Variants in PLXNA4 observed in about 807,000 individuals in gnomAD.
PLXNA4 encodes plexin-A4.
Under a neutral mutation model 191.8 loss-of-function variants are expected in PLXNA4, and 44 were observed. The ratio of observed to expected loss-of-function variants is 0.23; its 90% CI spans 0.18 to 0.29. PLXNA4 has a LOEUF of 0.29. Among genes scored for constraint, PLXNA4 ranks in the 10% least tolerant of loss-of-function variants. The probability of loss-of-function intolerance (pLI) is 1.00; values close to 1 mark genes in which losing one functional copy is unlikely to be tolerated. For missense variants in PLXNA4, 1,800 were observed against 2,488.8 expected, an observed-to-expected ratio of 0.72 and a Z score of 5.89; for synonymous variants, 1,082 against 1,009.5, an observed-to-expected ratio of 1.07 and a Z score of -1.36.
intron 3 of PLXNA4, among the ~76,000 whole-genome samples, chr7:132,415,316 A>T (rs1018499319): frequency 5.3e-5 from 8 of 152,336 alleles, no homozygotes; most frequent in Admixed American, 3.9e-4. Flanking sequence ...ATGAGATTGC[A>T]GGTCTGTCTG....
chr7:132,138,892 T>A (rs1161086013), intron 30 of PLXNA4, among the ~76,000 whole-genome samples: 1 of 152,230 alleles, frequency 6.6e-6, no homozygotes, highest in African/African-American at 2.4e-5. Context: ...TTCCCAGCCC[T>A]TCACAGCCCT....
Position 132,620,931 on chromosome 7 carries a change from G to A in PLXNA4, c.-87+24997C>T, listed in dbSNP as rs1803247923. ...CCAATTTAGTATCCAGTAAAGGCCT[G>A]CTTCTTGGTTTGCAGATGGCCTCCT... On this transcript the variant is annotated intron_variant, in intron 2 of 4. Transcript: ENST00000378539. Among the ~76,000 whole-genome samples, 5 of 152,228 alleles carry A rather than the reference G, an allele frequency of 3.3e-5. No homozygotes were observed. In the South Asian group the frequency reaches 1.0e-3, roughly 32 times the overall value.
intron 4 of PLXNA4, among the ~76,000 whole-genome samples, chr7:132,250,528 T>G (rs1799211588): frequency 6.6e-6 from 1 of 152,208 alleles, no homozygotes; most frequent in Non-Finnish European, 1.5e-5. Flanking sequence ...AATCCTCTCC[T>G]TTCTCTGAGC....
At chr7:132,379,439 A>G (rs541533290) in intron 3 of PLXNA4, among the ~76,000 whole-genome samples, 2 of 152,302 alleles carry the variant, frequency 1.3e-5, no homozygotes, top group East Asian at 3.9e-4. Context: ...CAGCATGTCA[A>G]AGCCTTGTCT....
At chr7:132,429,454 C>A (rs1268432225) in intron 3 of PLXNA4, among the ~76,000 whole-genome samples, 2 of 152,220 alleles carry the variant, frequency 1.3e-5, no homozygotes, top group Non-Finnish European at 2.9e-5. Flanking sequence ...AACAACTCAA[C>A]TTTGCCATCA....
chr7:132,513,543 CA>C (rs1798817502), intron 1 of PLXNA4, among the ~76,000 whole-genome samples: 1 of 152,236 alleles, frequency 6.6e-6, no homozygotes, highest in Admixed American at 6.5e-5. Flanking sequence ...TCCTGGTCCT[CA>C]GACCTTTTAT....
chr7:132,198,449 C>T (rs1584830456), intron 13 of PLXNA4, 36 bp downstream of exon 13: 5 of 1,605,808 alleles, frequency 3.1e-6, no homozygotes, highest in Non-Finnish European at 4.3e-6. Flanking sequence ...GTCTTCCCTC[C>T]CCTGTTCCTC....
chr7:132,232,958 C>T (rs1282304111), intron 5 of PLXNA4, among the ~76,000 whole-genome samples: 1 of 152,190 alleles, frequency 6.6e-6, no homozygotes, highest in Non-Finnish European at 1.5e-5. Context: ...GGCTCTCTAG[C>T]ATGTGTTTAC....
At position 132,508,193 on chromosome 7, in the gene PLXNA4, G is replaced by T; in HGVS notation, c.501C>A (p.Gly167=). 1 of 1,614,192 alleles carries T rather than the reference G, an allele frequency of 6.2e-7. No individual in the cohort carries two copies. Among genetic ancestry groups the T allele is most frequent in the Non-Finnish European group, 8.5e-7 (1 of 1,180,026 alleles). The change falls in exon 2 of 32, where the codon GGC becomes GGA. Residue 167 remains glycine, a synonymous_variant. Transcript: ENST00000321063. This position sits in a 1 kb window ranked among gnomAD's most constrained non-coding sequence, Gnocchi z 4.4. ...AGGAGACGATCACTCCAAAGACTGAGCCGCTCTCGTTGACACCTGACAGAT... is the reference window on the plus strand; with the variant it reads ...AGGAGACGATCACTCCAAAGACTGATCCGCTCTCGTTGACACCTGACAGAT... ...EHYLSGVNES[G]SVFGVIVSYS...
intron 4 of PLXNA4, among the ~76,000 whole-genome samples, chr7:132,246,706 A>G (rs993176110): frequency 6.6e-6 from 1 of 151,998 alleles, no homozygotes; most frequent in African/African-American, 2.4e-5. Flanking sequence ...TAAATAATAT[A>G]ATGTAGTTTG....
chr7:132,327,373 T>C (rs1427282050), intron 3 of PLXNA4, among the ~76,000 whole-genome samples: 1 of 152,124 alleles, frequency 6.6e-6, no homozygotes, highest in South Asian at 2.1e-4. Flanking sequence ...ATTAAATATA[T>C]AGATTTTTTA....
upstream of PLXNA4, chr7:132,576,592 G>T (rs528083514): frequency 1.2e-5 from 12 of 986,100 alleles, no homozygotes; most frequent in Non-Finnish European, 1.3e-5. The surrounding 1 kb of genome is among the most constrained non-coding windows in gnomAD (Gnocchi z 5.8). Flanking sequence ...CAGGGAAGCC[G>T]GGAGCAGCCG....
intron 2 of PLXNA4, among the ~76,000 whole-genome samples, chr7:132,605,237 A>T (rs1351521048): frequency 1.3e-5 from 2 of 152,226 alleles, no homozygotes; most frequent in African/African-American, 4.8e-5. Flanking sequence ...ATCCAAATCC[A>T]TGCGGCGGTG....
At chr7:132,547,647 G>A (rs1800367431) in intron 1 of PLXNA4, among the ~76,000 whole-genome samples, 1 of 152,078 alleles carries the variant, frequency 6.6e-6, no homozygotes, top group Admixed American at 6.5e-5. Flanking sequence ...CTGTACAGAA[G>A]AATCAAGGGA....
At chr7:132,149,732 G>A (rs1166373929) in intron 25 of PLXNA4, among the ~76,000 whole-genome samples, 1 of 152,214 alleles carries the variant, frequency 6.6e-6, no homozygotes, top group Non-Finnish European at 1.5e-5. Flanking sequence ...AGTGTCGTTA[G>A]TTGCTGGATT....
At chr7:132,177,946 A>G (rs1796531667) in intron 20 of PLXNA4, among the ~76,000 whole-genome samples, 1 of 152,128 alleles carries the variant, frequency 6.6e-6, no homozygotes, top group African/African-American at 2.4e-5. Flanking sequence ...AGCCCCAGGT[A>G]TGGGGCCGGA....
rs548913131 is a variant in PLXNA4, at chr7:132,185,199, C to G, written c.3158+100G>C. ...AATCAATTCCAGCTCATCCATCCCC[C>G]AAGCAGGACTGGGCCCCCAGAACTC... is the stretch of plus-strand genomic sequence containing the variant. On this transcript the variant is annotated intron_variant, in intron 16 of 31. Transcript: ENST00000321063. 8 of 1,456,634 alleles carry G rather than the reference C, an allele frequency of 5.5e-6. No individual in the cohort carries two copies. The Admixed American group carries it at 1.9e-4, about 34-fold the overall frequency. 90.2% of individuals were successfully genotyped at this position (1,456,634 alleles called of 1,614,324 possible).
intron 3 of PLXNA4, among the ~76,000 whole-genome samples, chr7:132,330,540 T>TA (rs1802550762): frequency 6.6e-6 from 1 of 152,206 alleles, no homozygotes; most frequent in African/African-American, 2.4e-5. Context: ...CCGCACACTT[T>TA]AAAATGTGAA....
chr7:132,186,535 C>T (rs1796883529), intron 15 of PLXNA4, among the ~76,000 whole-genome samples: 1 of 152,182 alleles, frequency 6.6e-6, no homozygotes, highest in African/African-American at 2.4e-5. Flanking sequence ...GAGCCCAAAT[C>T]CTCTCCCAAA....
Sources: gnomAD v4.1 joint callset for allele counts (sites outside exome capture counted in the v4.1 genomes callset) on GRCh38, gnomAD v4.1.1 for gene constraint, Gnocchi (gnomAD v3.1) non-coding constraint, MANE v1.5 for transcripts, NCBI Gene and HGNC (gene_info 2026-07-23, HGNC 2026-07-21) for gene names.